Variants in ZNF675 observed in about 807,000 individuals in gnomAD.
The protein encoded by ZNF675 is TRAF6 inhibitory zinc finger.
In ZNF675, 36 loss-of-function variants were observed where a neutral mutation model predicts 56.1. That is an observed-to-expected ratio of 0.64 (90% CI 0.49 to 0.85). The LOEUF (loss-of-function observed/expected upper bound fraction) is 0.85, where lower values mean the gene tolerates loss of function less well. ZNF675 is among the 40% of genes least tolerant of loss of function. The pLI is 0.00. For missense variants in ZNF675, 663 were observed against 654.2 expected (o/e 1.01, Z -0.15); for synonymous variants, 200 against 218.9 (o/e 0.91, Z 0.76).
chr19:23,686,992 C>A (rs1267771512), intron 1 of ZNF675, 39 bp downstream of exon 1: 3 of 1,613,498 alleles, frequency 1.9e-6, no homozygotes, highest in East Asian at 4.5e-5. Flanking sequence ...TCCAACCAGC[C>A]CCTTCCCCCT....
chr19:23,672,819 T>A (rs1568294059), intron 1 of ZNF675, among the ~76,000 whole-genome samples: 1 of 152,200 alleles, frequency 6.6e-6, no homozygotes, highest in East Asian at 1.9e-4. Flanking sequence ...TGCTTGGAAT[T>A]TATATTTTGC....
At chr19:23,677,224 G>T (rs952387880) in intron 1 of ZNF675, among the ~76,000 whole-genome samples, 12 of 151,218 alleles carry the variant, frequency 7.9e-5, no homozygotes, top group Admixed American at 3.3e-4. Context: ...CACCCAAAAA[G>T]AAAGAGGAAC....
At chr19:23,676,702 T>A (rs1300409505) in intron 1 of ZNF675, among the ~76,000 whole-genome samples, 1 of 151,814 alleles carries the variant, frequency 6.6e-6, no homozygotes, top group Admixed American at 6.6e-5. Flanking sequence ...AGGTACATAC[T>A]TCAAAAGAGT....
At chr19:23,658,968 G>T (rs1398095949) in intron 3 of ZNF675, among the ~76,000 whole-genome samples, 3 of 82,954 alleles carry the variant, frequency 3.6e-5, no homozygotes, top group Non-Finnish European at 7.5e-5. Context: ...TCTATAGATA[G>T]ATATAGATCT....
intron 2 of ZNF675, among the ~76,000 whole-genome samples, 162 bp from the exon 3 acceptor site, chr19:23,662,371 AT>A (rs1278556837): frequency 7.7e-4 from 103 of 133,134 alleles, no homozygotes; most frequent in Middle Eastern, 3.9e-3. Flanking sequence ...AATATTCTAA[AT>A]TTGTAGGTTC....
At chr19:23,664,610 C>T (rs1167279597) in intron 1 of ZNF675, among the ~76,000 whole-genome samples, 1 of 152,144 alleles carries the variant, frequency 6.6e-6, no homozygotes, top group Admixed American at 6.5e-5. Flanking sequence ...TCTTGAACCC[C>T]TCATACTTGA....
intron 1 of ZNF675, among the ~76,000 whole-genome samples, chr19:23,673,644 T>C (rs935199859): frequency 1.3e-5 from 2 of 152,084 alleles, no homozygotes; most frequent in African/African-American, 4.8e-5. Context: ...CAGACAGTGT[T>C]TGGGAAATAT....
Position 23,654,064 on chromosome 19 carries a change from C to T in ZNF675, c.869G>A (p.Gly290Asp). 6.2e-7 allele frequency: 1 copy of T among 1,613,670 alleles called. No homozygotes were observed. Among genetic ancestry groups the T allele is most frequent in the Non-Finnish European group, 8.5e-7 (1 of 1,179,980 alleles). Residue 290 changes from glycine to aspartate, a missense_variant, in exon 4 of 4, where the codon GGC becomes GAC. By Grantham distance (94) the Gly-to-Asp change is moderately conservative. Around this residue, in one of 3 missense-constraint regions of ZNF675, gnomAD observed 617 missense variants for 590.5 expected, o/e 1.04. Transcript: ENST00000359788. ...ATTTGAGAACTGGTTAAAGGCTTTGCCACATTCTTCACATTTGTAGGGTTT... is the reference window on the plus strand; with the variant it reads ...ATTTGAGAACTGGTTAAAGGCTTTGTCACATTCTTCACATTTGTAGGGTTT... ...GEKPYKCEEC[G>D]KAFNQFSNLT...
In ZNF675 at chr19:23,654,238, T is replaced by C; in HGVS notation, c.695A>G (p.Glu232Gly). 6.2e-7 allele frequency: 1 copy of C among 1,613,990 alleles called. No individual in the cohort carries two copies. The highest frequency in any genetic ancestry group is 2.2e-5 in the East Asian group (1 of 44,854). ...YTCEKLYKCQ[E>G]CDRTFNQFSN... ...GAATTGGTTAAAAGTTCTGTCACATTCTTGACATTTGTAGAGTTTCTCACA... is the reference window on the plus strand; with the variant it reads ...GAATTGGTTAAAAGTTCTGTCACATCCTTGACATTTGTAGAGTTTCTCACA... The change falls in exon 4 of 4, where the codon GAA (glutamate) becomes GGA (glycine). Residue 232 changes from glutamate (E) to glycine (G), a missense_variant. Around this residue, in one of 3 missense-constraint regions of ZNF675, gnomAD observed 617 missense variants for 590.5 expected, o/e 1.04. Transcript: ENST00000359788.
intron 3 of ZNF675, among the ~76,000 whole-genome samples, chr19:23,661,475 G>A (rs2144927319): frequency 6.6e-6 from 1 of 151,820 alleles, no homozygotes; most frequent in African/African-American, 2.4e-5. Context: ...CAAATGACCT[G>A]AGGGCAGGAG....
At position 23,657,329 on chromosome 19, in the gene ZNF675, A is replaced by C. The variant is rs1311708202; in HGVS notation, c.227-2623T>G. Among the ~76,000 whole-genome samples the C allele has an allele frequency of 2.6e-5, 4 of 152,232 alleles. No individual in the cohort carries two copies. In the East Asian group the frequency reaches 7.7e-4, roughly 29 times the overall value. ...AAAAGAAAAAATGGAAAAAATACAG[A>C]ATTATAAATCTTTACATGAATTACC... is the stretch of plus-strand genomic sequence containing the variant. On this transcript the variant is annotated intron_variant, in intron 3 of 3. Coordinates refer to ENST00000359788, the MANE Select transcript of ZNF675 (RefSeq NM_138330.3).
chr19:23,686,063 A>G (rs1215581643), intron 1 of ZNF675: 1 of 152,226 alleles, frequency 6.6e-6, no homozygotes, highest in Non-Finnish European at 1.5e-5. Flanking sequence ...ACCAATCATA[A>G]ACTGCCAATT....
chr19:23,663,181 CA>C (rs1968104057), intron 1 of ZNF675, 23 bp from the exon 2 acceptor site: 1 of 1,589,100 alleles, frequency 6.3e-7, no homozygotes, highest in South Asian at 1.1e-5. Flanking sequence ...TACACACAAA[CA>C]TATTCACCAG....
chr19:23,660,666 G>T (rs1394277106), intron 3 of ZNF675, among the ~76,000 whole-genome samples: 1 of 152,100 alleles, frequency 6.6e-6, no homozygotes, highest in East Asian at 1.9e-4. Flanking sequence ...TTTACAGTGA[G>T]AGATATCAGT....
intron 1 of ZNF675, among the ~76,000 whole-genome samples, chr19:23,663,814 G>A (rs1968114172): frequency 6.6e-6 from 1 of 152,148 alleles, no homozygotes; most frequent in Admixed American, 6.5e-5. Context: ...TTAAATAATA[G>A]CTAATTGAGA....
At position 23,653,330 on chromosome 19, in the gene ZNF675, G is replaced by A. The variant is rs1238570912; in HGVS notation, c.1603C>T (p.Pro535Ser). 6.2e-7 allele frequency: 1 copy of A among 1,613,678 alleles called. No individual in the cohort carries two copies. The highest frequency in any genetic ancestry group is 1.1e-5 in the South Asian group (1 of 91,074). The stretch of plus-strand genomic sequence containing the variant: ...TTGTCACATCTCTCACATTTATAGG[G>A]TTTCTCTCCAGTATGAATTATCTTA... The part of the protein sequence containing the change: ...EHKIIHTGEK[P>S]YKCERCDKAF... Residue 535 changes from proline to serine, a missense_variant, in exon 4 of 4, where the codon CCC becomes TCC. Around this residue, in one of 3 missense-constraint regions of ZNF675, gnomAD observed 617 missense variants for 590.5 expected, o/e 1.04. Coordinates refer to ENST00000359788, the MANE Select transcript of ZNF675 (RefSeq NM_138330.3).
At chr19:23,673,882 A>G (rs1968257228) in intron 1 of ZNF675, among the ~76,000 whole-genome samples, 1 of 150,558 alleles carries the variant, frequency 6.6e-6, no homozygotes, top group Non-Finnish European at 1.5e-5. Context: ...ATCCGGCCCC[A>G]GAGAAACTCC....
rs1967941739 is a variant in ZNF675, at chr19:23,653,728, C to T, written c.1205G>A (p.Gly402Asp). 1.9e-6 allele frequency: 3 copies of T among 1,613,492 alleles called. No homozygotes were observed. Among genetic ancestry groups the T allele is most frequent in the South Asian group, 2.2e-5 (2 of 91,068 alleles). ...EEKPYKCKEC[G>D]KAFKHSSALT... ...GGCTGAGGAGTGTTTAAAAGCTTTG[C>T]CACATTCTTTACATTTGTAGGGTTT... is the stretch of plus-strand genomic sequence containing the variant. The change falls in exon 4 of 4, where the codon GGC becomes GAC. Residue 402 changes from glycine (G) to aspartate (D), a missense_variant. Coordinates refer to ENST00000359788, the MANE Select transcript of ZNF675 (RefSeq NM_138330.3).
At position 23,687,050 on chromosome 19, in the gene ZNF675, G is replaced by T. The variant is rs756909433; in HGVS notation, c.-17C>A. On this transcript the variant is annotated 5_prime_UTR_variant, in exon 1 of 4. Coordinates refer to ENST00000359788, the MANE Select transcript of ZNF675 (RefSeq NM_138330.3). ...TCTCACCATTTCTAGGCTTCCAGGG[G>T]GTCCTGGAGTCTTAGCTGTGGATCT... The T allele has an allele frequency of 1.2e-5, 19 of 1,613,352 alleles. No homozygotes were observed. Among genetic ancestry groups the T allele is most frequent in the Non-Finnish European group, 1.6e-5 (19 of 1,179,612 alleles).
Sources: allele counts gnomAD v4.1 joint callset (sites outside exome capture counted in the v4.1 genomes callset), GRCh38; gene constraint gnomAD v4.1.1; regional missense constraint gnomAD v4.1.1; transcripts MANE v1.5; gene names NCBI Gene and HGNC (gene_info 2026-07-23, HGNC 2026-07-21).